The following SLC7A11 variants were observed in gnomAD, a reference collection of about 807,000 sequenced individuals.
SLC7A11 encodes the protein cystine/glutamate transporter.
A neutral mutation model predicts 54.5 loss-of-function variants in SLC7A11; 35 were observed. That is an observed-to-expected ratio of 0.64 (90% CI 0.49 to 0.85). The LOEUF (loss-of-function observed/expected upper bound fraction) is 0.85. Ranked by LOEUF, SLC7A11 falls within the 40% of genes least tolerant of loss-of-function variation. The pLI, the probability that SLC7A11 is intolerant of heterozygous loss-of-function variation, is 0.00. For synonymous variants in SLC7A11, 230 were observed against 225.2 expected, an observed-to-expected ratio of 1.02 and a Z score of -0.19; for missense variants, 583 against 618.1, an observed-to-expected ratio of 0.94 and a Z score of 0.60.
chr4:138,177,358 A>T (rs1409546147), intron 11 of SLC7A11: 2 of 152,016 alleles, frequency 1.3e-5, no homozygotes, highest in African/African-American at 4.8e-5. Context: ...AACTCACCAC[A>T]TTCACCAGCG....
intron 3 of SLC7A11, among the ~76,000 whole-genome samples, chr4:138,231,975 G>A (rs148964114): frequency 9.9e-5 from 15 of 152,006 alleles, no homozygotes; most frequent in African/African-American, 3.6e-4. Context: ...AAAATAATTG[G>A]GGTTTTCTCT....
In SLC7A11 at chr4:138,240,410, A is replaced by G. The variant is rs1738347274; in HGVS notation, c.277+1383T>C. The stretch of plus-strand genomic sequence containing the variant: ...TGAAACCCCATCTCTACTAAAAAAT[A>G]CGAAAAATAAGCCCAACGTGGTGGC... On this transcript the variant is annotated intron_variant, in intron 1 of 11. Coordinates refer to ENST00000280612, the MANE Select transcript of SLC7A11 (RefSeq NM_014331.4). 2.0e-5 allele frequency among the ~76,000 whole-genome samples: 3 copies of G among 151,936 alleles called. No homozygotes were observed. In the South Asian group the frequency reaches 6.2e-4, roughly 31 times the overall value.
At chr4:138,205,732 A>G (rs1414926241) in intron 6 of SLC7A11, among the ~76,000 whole-genome samples, 1 of 152,068 alleles carries the variant, frequency 6.6e-6, no homozygotes, top group Non-Finnish European at 1.5e-5. Flanking sequence ...GAACAAAGGT[A>G]GCTTACGTGC....
At chr4:138,236,983 C>CTTTTTTTT (rs34896335) in intron 1 of SLC7A11, among the ~76,000 whole-genome samples, 5 of 111,920 alleles carry the variant, frequency 4.5e-5, no homozygotes, top group Non-Finnish European at 6.7e-5. Flanking sequence ...TGCAAGATTT[C>CTTTTTTTT]TTTTTTTTTT....
intron 11 of SLC7A11, chr4:138,174,597 G>A (rs1162755258): frequency 6.6e-6 from 1 of 152,190 alleles, no homozygotes; most frequent in Non-Finnish European, 1.5e-5. Context: ...AGACAGCAGT[G>A]CTCAAGAGAG....
rs1578680705 is a variant in SLC7A11 at position 138,242,007 on chromosome 4, G to T, written c.63C>A (p.Asn21Lys). The change falls in exon 1 of 12, where the codon AAC becomes AAA. Residue 21 changes from asparagine (N) to lysine (K), a missense_variant. By Grantham distance (94) the Asn-to-Lys change is moderately conservative (BLOSUM62 0). Transcript: ENST00000280612. ...SKGGYLQGNV[N>K]GRLPSLGNKE... ...TGTTGCCCAGGGAAGGCAGCCTCCC[G>T]TTAACATTTCCCTGCAGGTAACCTC... 5 of 1,614,108 alleles carry T rather than the reference G, an allele frequency of 3.1e-6. No homozygotes were observed. Among genetic ancestry groups the T allele is most frequent in the South Asian group, 1.1e-5 (1 of 91,082 alleles).
chr4:138,229,123 T>A (rs1249132680), intron 3 of SLC7A11, among the ~76,000 whole-genome samples: 1 of 152,196 alleles, frequency 6.6e-6, no homozygotes, highest in Non-Finnish European at 1.5e-5. Context: ...AGATTTCAAA[T>A]GACCACGAAC....
intron 1 of SLC7A11, among the ~76,000 whole-genome samples, chr4:138,239,932 A>G (rs1222667589): frequency 6.6e-6 from 1 of 152,230 alleles, no homozygotes; most frequent in Admixed American, 6.5e-5. Flanking sequence ...AAAGTGCTGT[A>G]GGAAGATTTA....
Position 138,214,577 on chromosome 4 carries a change from C to T in SLC7A11, c.791+8G>A. The T allele has an allele frequency of 6.9e-7, 1 of 1,456,736 alleles. No homozygotes were observed. The highest frequency in any genetic ancestry group is 9.3e-7 in the Non-Finnish European group (1 of 1,071,768). The allele number at this position is 1,456,736 out of a possible 1,614,324, so 90.2% of individuals were successfully genotyped here. On this transcript the variant is annotated splice_region_variant and intron_variant, in intron 6 of 11. Transcript: ENST00000280612. ...CATAAAAATTTCAGGGTACATCTGG[C>T]TACTTACTTTTCAGGGTTTTCTACT... is the stretch of plus-strand genomic sequence containing the variant.
chr4:138,176,559 C>T (rs2148408535), intron 11 of SLC7A11: 1 of 152,308 alleles, frequency 6.6e-6, no homozygotes, highest in South Asian at 2.1e-4. Flanking sequence ...ACAAAGTACA[C>T]ACGTGCTTGT....
rs956181758 is a variant in SLC7A11, at chr4:138,167,749, A to T, written c.*4207T>A. The T allele has an allele frequency of 1.3e-5, 2 of 152,198 alleles. No homozygotes were observed. The highest frequency in any genetic ancestry group is 2.9e-5 in the Non-Finnish European group (2 of 68,028). The allele number at this position is 152,198 out of a possible 1,614,324, so 9.4% of individuals were successfully genotyped here. A position where few individuals can be genotyped will look rare whatever the true frequency, so the allele number is the denominator to read the frequency against. ...TTAGGAAAGCAAAATGTAACTCTGTAAACTTGATCAGCACTAATGTACAAC... is the reference window on the plus strand; with the variant it reads ...TTAGGAAAGCAAAATGTAACTCTGTTAACTTGATCAGCACTAATGTACAAC... On this transcript the variant is annotated 3_prime_UTR_variant, in exon 12 of 12. Transcript: ENST00000280612.
chr4:138,217,563 G>A (rs1225862226), intron 5 of SLC7A11, among the ~76,000 whole-genome samples: 3 of 152,180 alleles, frequency 2.0e-5, no homozygotes, highest in African/African-American at 7.2e-5. Context: ...AGAAAAGTGA[G>A]GAGGGTAAAA....
intron 6 of SLC7A11, among the ~76,000 whole-genome samples, chr4:138,185,987 A>G (rs1037282179): frequency 7.9e-5 from 12 of 152,126 alleles, no homozygotes; most frequent in Non-Finnish European, 1.5e-4. Context: ...AGATAATCCC[A>G]TGAAATTAGA....
intron 1 of SLC7A11, among the ~76,000 whole-genome samples, chr4:138,236,813 A>T (rs1251243292): frequency 2.0e-5 from 3 of 152,138 alleles, no homozygotes; most frequent in Non-Finnish European, 4.4e-5. Context: ...TTAGAAGAAC[A>T]CAACCTCACA....
intron 9 of SLC7A11, among the ~76,000 whole-genome samples, chr4:138,182,001 T>C (rs901189823): frequency 1.3e-5 from 2 of 152,100 alleles, no homozygotes; most frequent in African/African-American, 4.8e-5. Flanking sequence ...TTCTTTTCTG[T>C]GAGGTGCTAT....
At chr4:138,192,750 G>A (rs1322344439) in intron 6 of SLC7A11, among the ~76,000 whole-genome samples, 3 of 151,970 alleles carry the variant, frequency 2.0e-5, no homozygotes, top group Non-Finnish European at 2.9e-5. Context: ...TTAAAAGCTA[G>A]GAGAGAAAAT....
In SLC7A11 at chr4:138,164,172, T is replaced by TA. The variant is rs1332920898; in HGVS notation, c.*7783dup. 1.3e-5 allele frequency: 2 copies of TA among 152,586 alleles called. No homozygotes were observed. Among genetic ancestry groups the TA allele is most frequent in the Non-Finnish European group, 2.9e-5 (2 of 68,014 alleles). 9.5% of individuals were successfully genotyped at this position (152,586 alleles called of 1,614,324 possible). Reference sequence around the variant, plus strand: ...AGTAAAATATGTACAAAAATGGTTATAAAATGGTTGAAGCAACTAGAAGCG... The same window carrying TA: ...AGTAAAATATGTACAAAAATGGTTATAAAAATGGTTGAAGCAACTAGAAGCG... On this transcript the variant is annotated 3_prime_UTR_variant, in exon 12 of 12. Transcript: ENST00000280612.
At chr4:138,185,069 C>T (rs1414287267) in intron 7 of SLC7A11, 52 bp downstream of exon 7, 4 of 1,601,028 alleles carry the variant, frequency 2.5e-6, no homozygotes, top group Non-Finnish European at 2.6e-6. Context: ...TATAAAATTG[C>T]ATCAGCTCAT....
At chr4:138,202,436 T>C (rs1161055802) in intron 6 of SLC7A11, among the ~76,000 whole-genome samples, 1 of 152,112 alleles carries the variant, frequency 6.6e-6, no homozygotes, top group Non-Finnish European at 1.5e-5. Flanking sequence ...TCAAACTTTT[T>C]AACATTTTCT....
Sources: gnomAD v4.1 joint callset for allele counts (sites outside exome capture counted in the v4.1 genomes callset) on GRCh38, gnomAD v4.1.1 for gene constraint, MANE v1.5 for transcripts, NCBI Gene and HGNC (gene_info 2026-07-23, HGNC 2026-07-21) for gene names.